CAST: variants seen among roughly 807,000 people sequenced by gnomAD.
CAST encodes the protein MIR583 host.
Under a neutral mutation model 119.6 loss-of-function variants are expected in CAST, and 76 were observed. The ratio of observed to expected loss-of-function variants is 0.64; its 90% CI spans 0.53 to 0.77. CAST has a LOEUF of 0.77. Among genes scored for constraint, CAST ranks in the 30% least tolerant of loss-of-function variants. CAST has a pLI of 0.00. For synonymous variants in CAST, 319 were observed against 331.6 expected (o/e 0.96, Z 0.41); for missense variants, 953 against 946.5 (o/e 1.01, Z -0.09).
the CAST span, among the ~76,000 whole-genome samples, chr5:96,461,941 G>A: frequency 3.3e-5 from 5 of 152,220 alleles, no homozygotes; most frequent in African/African-American, 1.2e-4. Context: ...ACCAAACAGA[G>A]CAGCTCAGGT....
At chr5:96,674,202 C>T (rs1750437566) in intron 1 of CAST, among the ~76,000 whole-genome samples, 1 of 152,064 alleles carries the variant, frequency 6.6e-6, no homozygotes, top group Non-Finnish European at 1.5e-5. Context: ...TCCTTGTAAA[C>T]ACCATCAAAT....
At chr5:96,044,908 C>G in the CAST span, among the ~76,000 whole-genome samples, 1 of 152,086 alleles carries the variant, frequency 6.6e-6, no homozygotes, top group Non-Finnish European at 1.5e-5. Flanking sequence ...AATTTCAAAA[C>G]TAGGCAAAAT....
At chr5:96,622,215 A>C (rs1747624302) in intron 1 of CAST, among the ~76,000 whole-genome samples, 1 of 151,736 alleles carries the variant, frequency 6.6e-6, no homozygotes, top group Admixed American at 6.6e-5. Context: ...TGATCCACCC[A>C]CCTCGGCCTC....
At chr5:96,465,356 AAT>A in the CAST span, among the ~76,000 whole-genome samples, 1 of 152,034 alleles carries the variant, frequency 6.6e-6, no homozygotes, top group African/African-American at 2.4e-5. Flanking sequence ...AAATAATGAT[AAT>A]TTTGGCTCTT....
chr5:96,621,254 G>T (rs1747598007), intron 1 of CAST, among the ~76,000 whole-genome samples: 1 of 152,148 alleles, frequency 6.6e-6, no homozygotes, highest in Non-Finnish European at 1.5e-5. Flanking sequence ...CTCTTTGGTG[G>T]CTATATCAGT....
chr5:96,005,195 A>G, the CAST span, among the ~76,000 whole-genome samples: 15 of 152,166 alleles, frequency 9.9e-5, no homozygotes, highest in African/African-American at 1.4e-4. Context: ...TGAGGGCACT[A>G]CTCAAGAAAG....
the CAST span, among the ~76,000 whole-genome samples, chr5:96,187,879 A>C: frequency 6.6e-6 from 1 of 152,232 alleles, no homozygotes; most frequent in Admixed American, 6.5e-5. Context: ...ACCTGTGAGC[A>C]GTCCCATCTC....
At chr5:96,498,983 C>G in the CAST span, among the ~76,000 whole-genome samples, 1 of 150,732 alleles carries the variant, frequency 6.6e-6, no homozygotes, top group African/African-American at 2.4e-5. Flanking sequence ...TTTCCCTTCT[C>G]CTTTACAGAT....
chr5:96,660,080 G>A (rs1186204195), upstream of CAST, among the ~76,000 whole-genome samples: 1 of 152,198 alleles, frequency 6.6e-6, no homozygotes, highest in Non-Finnish European at 1.5e-5. Flanking sequence ...TCATGTATTA[G>A]TGTAGCTGCT....
the CAST span, chr5:96,425,743 A>G: frequency 1.3e-6 from 1 of 775,686 alleles, no homozygotes; most frequent in Non-Finnish European, 2.2e-6. Context: ...AAAAAAAAAA[A>G]TCCATGTTGC....
chr5:96,732,726 A>G (rs1389952747), intron 9 of CAST, among the ~76,000 whole-genome samples: 2 of 152,096 alleles, frequency 1.3e-5, no homozygotes, highest in African/African-American at 4.8e-5. Context: ...AAAACTGGCT[A>G]GCCATATGTA....
At chr5:96,433,053 C>T in the CAST span, 1 of 1,613,478 alleles carries the variant, frequency 6.2e-7, no homozygotes, top group Non-Finnish European at 8.5e-7. Flanking sequence ...AGCTCACACA[C>T]TCGCTTGAAC....
chr5:96,363,706 A>G, the CAST span, among the ~76,000 whole-genome samples: 1 of 152,174 alleles, frequency 6.6e-6, no homozygotes, highest in African/African-American at 2.4e-5. Flanking sequence ...ACTTTGCTGA[A>G]GTTGCTTATC....
chr5:96,688,577 A>G (rs1752342715), intron 2 of CAST, among the ~76,000 whole-genome samples: 1 of 152,344 alleles, frequency 6.6e-6, no homozygotes, highest in Non-Finnish European at 1.5e-5. Flanking sequence ...ATGACAGGCA[A>G]AAATGCTTAT....
chr5:96,162,607 G>T, the CAST span, among the ~76,000 whole-genome samples: 3 of 151,978 alleles, frequency 2.0e-5, no homozygotes, highest in African/African-American at 7.2e-5. Flanking sequence ...TAGTAGAGAC[G>T]CTGTTTCACC....
At chr5:96,638,100 T>C (rs1204173864) in intron 1 of CAST, among the ~76,000 whole-genome samples, 1 of 152,184 alleles carries the variant, frequency 6.6e-6, no homozygotes, top group Non-Finnish European at 1.5e-5. Context: ...GGTGTTTTTA[T>C]GCACTAAGCA....
chr5:96,109,584 C>A, the CAST span, among the ~76,000 whole-genome samples: 1 of 152,146 alleles, frequency 6.6e-6, no homozygotes, highest in African/African-American at 2.4e-5. Flanking sequence ...GTTGGATCTT[C>A]ACTTGCTAAT....
chr5:96,410,029 C>G, the CAST span, among the ~76,000 whole-genome samples: 1 of 152,188 alleles, frequency 6.6e-6, no homozygotes, highest in Non-Finnish European at 1.5e-5. Context: ...GATCTATATA[C>G]TTTAGCTAGT....
intron 1 of CAST, among the ~76,000 whole-genome samples, chr5:96,543,774 C>G (rs1440792718): frequency 1.3e-5 from 2 of 152,114 alleles, no homozygotes; most frequent in Admixed American, 1.3e-4. Flanking sequence ...TTTGTTTGCA[C>G]TTGGACATCT....
Sources: gnomAD v4.1 joint callset for allele counts (sites outside exome capture counted in the v4.1 genomes callset) on GRCh38, gnomAD v4.1.1 for gene constraint, MANE v1.5 for transcripts, NCBI Gene and HGNC (gene_info 2026-07-23, HGNC 2026-07-21) for gene names.